MAN1A1: variants seen among roughly 807,000 people sequenced by gnomAD.
MAN1A1 encodes mannosidase alpha class 1A member 1.
MAN1A1 carries 29 observed loss-of-function variants against 70.8 expected under a neutral mutation model. That is an observed-to-expected ratio of 0.41 (90% CI 0.31 to 0.56). MAN1A1 has a LOEUF of 0.56. MAN1A1 is among the 20% of genes least tolerant of loss of function. MAN1A1 has a pLI of 0.29. For synonymous variants in MAN1A1, 349 were observed against 330.1 expected (o/e 1.06, Z -0.62); for missense variants, 747 against 841.3 (o/e 0.89, Z 1.39).
In MAN1A1 at chr6:119,189,862, G is replaced by A. The variant is rs778935298; in HGVS notation, c.1348C>T (p.Arg450Cys). The A allele has an allele frequency of 6.8e-6, 11 of 1,613,600 alleles. No homozygotes were observed. Among genetic ancestry groups the A allele is most frequent in the East Asian group, 6.7e-5 (3 of 44,854 alleles). Reference sequence around the variant, plus strand: ...TAAGTTAGTCCGCTGCTAGACTTGCGGATCAAATGAGTCTCGATAGCCTGT... The same window carrying A: ...TAAGTTAGTCCGCTGCTAGACTTGCAGATCAAATGAGTCTCGATAGCCTGT... ...AVQAIETHLI[R>C]KSSSGLTYIA... Residue 450 changes from arginine to cysteine, a missense_variant, in exon 10 of 13, where the codon CGC becomes TGC. Arg to Cys is a radical substitution (Grantham distance 180). Transcript: ENST00000368468.
chr6:119,177,876 G>T lies in MAN1A1; in HGVS notation c.*1943C>A, dbSNP rs760749374. 13 of 152,054 alleles carry T rather than the reference G, an allele frequency of 8.5e-5. No individual in the cohort carries two copies. Among genetic ancestry groups the T allele is most frequent in the Non-Finnish European group, 1.3e-4 (9 of 67,934 alleles). The allele number at this position is 152,054 out of a possible 1,614,324, so 9.4% of individuals were successfully genotyped here. On this transcript the variant is annotated 3_prime_UTR_variant, in exon 13 of 13. Transcript: ENST00000368468. ...ATCAGCTTTCAAATCAAAGTGAAAAGAAAATGAGTTAATTTAAATGGCAAA... is the reference window on the plus strand; with the variant it reads ...ATCAGCTTTCAAATCAAAGTGAAAATAAAATGAGTTAATTTAAATGGCAAA...
intron 6 of MAN1A1, among the ~76,000 whole-genome samples, chr6:119,224,821 A>T (rs1333766652): frequency 6.6e-6 from 1 of 152,156 alleles, no homozygotes; most frequent in Non-Finnish European, 1.5e-5. Flanking sequence ...AAACTTGAAG[A>T]TATCACTAAA....
intron 6 of MAN1A1, among the ~76,000 whole-genome samples, chr6:119,222,089 C>T (rs554516040): frequency 3.9e-5 from 6 of 152,216 alleles, no homozygotes; most frequent in African/African-American, 1.4e-4. Flanking sequence ...ACAATAATTT[C>T]CTCAAATGAC....
At chr6:119,202,566 T>C (rs1773742822) in intron 7 of MAN1A1, among the ~76,000 whole-genome samples, 1 of 152,194 alleles carries the variant, frequency 6.6e-6, no homozygotes, top group Non-Finnish European at 1.5e-5. Context: ...TTATGTACTG[T>C]ACATAATTAT....
At chr6:119,330,088 T>C (rs1773268496) in intron 2 of MAN1A1, among the ~76,000 whole-genome samples, 1 of 152,230 alleles carries the variant, frequency 6.6e-6, no homozygotes, top group South Asian at 2.1e-4. Flanking sequence ...TTGATGTTCC[T>C]TGGGCTTCTA....
chr6:119,254,831 C>T, intron 5 of MAN1A1, among the ~76,000 whole-genome samples: 1 of 152,134 alleles, frequency 6.6e-6, no homozygotes, highest in South Asian at 2.1e-4. Context: ...AAATACGATG[C>T]AACAGTTCTT....
rs1292880647 is a variant in MAN1A1 at position 119,339,600 on chromosome 6, G to T, written c.603+8863C>A. On this transcript the variant is annotated intron_variant, in intron 2 of 12. Transcript: ENST00000368468. ...TGACTGATAAAACTATGAAGGATTT[G>T]TTTTTTTTTTTCTACTCTAGTGTGC... is the stretch of plus-strand genomic sequence containing the variant. 3.4e-5 allele frequency among the ~76,000 whole-genome samples: 5 copies of T among 146,912 alleles called. No individual in the cohort carries two copies. In the East Asian group the frequency reaches 5.9e-4, roughly 17 times the overall value.
intron 6 of MAN1A1, among the ~76,000 whole-genome samples, chr6:119,244,684 T>A (rs961991661): frequency 6.6e-6 from 1 of 152,102 alleles, no homozygotes; most frequent in Non-Finnish European, 1.5e-5. Flanking sequence ...TCCAAATACA[T>A]AAACCTCCCC....
At chr6:119,284,384 G>A (rs1032010946) in intron 5 of MAN1A1, among the ~76,000 whole-genome samples, 5 of 152,172 alleles carry the variant, frequency 3.3e-5, no homozygotes, top group Middle Eastern at 3.4e-3. Context: ...TCAAACTCAC[G>A]GTCATCAAAA....
intron 2 of MAN1A1, among the ~76,000 whole-genome samples, chr6:119,321,223 T>C (rs1008996725): frequency 6.6e-5 from 10 of 152,218 alleles, no homozygotes; most frequent in African/African-American, 2.2e-4. Flanking sequence ...ATAAACTGAC[T>C]CTCTCACACT....
At position 119,349,177 on chromosome 6, in the gene MAN1A1, C is replaced by A; in HGVS notation, c.-112G>T. ...CCTGCGTAGCCAGGCCGCCCGACCC[C>A]CTCGGCTGGGCTGCGGATCCTCCCT... On this transcript the variant is annotated 5_prime_UTR_variant, in exon 2 of 13. Coordinates refer to ENST00000368468, the MANE Select transcript of MAN1A1 (RefSeq NM_005907.4). The A allele has an allele frequency of 2.4e-6, 3 of 1,228,714 alleles. No individual in the cohort carries two copies. Among genetic ancestry groups the A allele is most frequent in the Non-Finnish European group, 3.0e-6 (3 of 986,770 alleles). The allele number at this position is 1,228,714 out of a possible 1,614,324, so 76.1% of individuals were successfully genotyped here. A position where few individuals can be genotyped will look rare whatever the true frequency, so the allele number is the denominator to read the frequency against.
At chr6:119,217,431 AC>A (rs1774237867) in intron 6 of MAN1A1, among the ~76,000 whole-genome samples, 1 of 152,042 alleles carries the variant, frequency 6.6e-6, no homozygotes, top group African/African-American at 2.4e-5. Context: ...ACAGGCATGC[AC>A]CACCACGCCT....
intron 6 of MAN1A1, among the ~76,000 whole-genome samples, chr6:119,246,243 T>C (rs1357502262): frequency 6.6e-6 from 1 of 152,162 alleles, no homozygotes; most frequent in Non-Finnish European, 1.5e-5. Flanking sequence ...CCAATTTCAT[T>C]ACCTTCCAGG....
chr6:119,289,538 G>A (rs1315975418), intron 5 of MAN1A1, among the ~76,000 whole-genome samples: 1 of 150,246 alleles, frequency 6.7e-6, no homozygotes, highest in African/African-American at 2.5e-5. Context: ...ACAGAAAAAA[G>A]GGAGGAAGAG....
intron 2 of MAN1A1, among the ~76,000 whole-genome samples, chr6:119,341,535 G>A (rs1773593079): frequency 6.6e-6 from 1 of 152,166 alleles, no homozygotes; most frequent in Admixed American, 6.5e-5. Context: ...TATTTCTCAT[G>A]TGTAAAATGA....
intron 5 of MAN1A1, among the ~76,000 whole-genome samples, chr6:119,252,497 T>C (rs1187399015): frequency 6.6e-6 from 1 of 152,160 alleles, no homozygotes; most frequent in Non-Finnish European, 1.5e-5. Context: ...GCAGTCTTGA[T>C]TCAAGAAGTT....
chr6:119,295,991 G>C (rs1039628752), intron 4 of MAN1A1, among the ~76,000 whole-genome samples: 1 of 152,118 alleles, frequency 6.6e-6, no homozygotes, highest in Non-Finnish European at 1.5e-5. Context: ...TTAAAGACTG[G>C]TAACTACCAA....
chr6:119,233,378 T>C (rs1309070084), intron 6 of MAN1A1, among the ~76,000 whole-genome samples: 2 of 152,316 alleles, frequency 1.3e-5, no homozygotes, highest in Non-Finnish European at 1.5e-5. Flanking sequence ...CTTGTAATAT[T>C]TACATCTAGT....
intron 6 of MAN1A1, among the ~76,000 whole-genome samples, chr6:119,213,896 A>T (rs775390816): frequency 6.6e-6 from 1 of 152,186 alleles, no homozygotes; most frequent in Non-Finnish European, 1.5e-5. Context: ...TTTAATTTAC[A>T]TGTTTATACA....
Sources: gnomAD v4.1 joint callset for allele counts (sites outside exome capture counted in the v4.1 genomes callset) on GRCh38, gnomAD v4.1.1 for gene constraint, MANE v1.5 for transcripts, NCBI Gene and HGNC (gene_info 2026-07-23, HGNC 2026-07-21) for gene names.